SLMAP: variants seen among roughly 807,000 people sequenced by gnomAD.
SLMAP encodes sarcolemma associated protein.
In SLMAP, 44 loss-of-function variants were observed where a neutral mutation model predicts 128.8. The observed-to-expected ratio is 0.34, with a 90% CI of 0.27 to 0.44. SLMAP has a LOEUF of 0.44. Ranked by LOEUF, SLMAP falls within the 20% of genes least tolerant of loss-of-function variation. The probability of loss-of-function intolerance (pLI) is 1.00; values close to 1 mark genes in which losing one functional copy is unlikely to be tolerated. For synonymous variants in SLMAP, 327 were observed against 348.8 expected, an observed-to-expected ratio of 0.94 and a Z score of 0.70; for missense variants, 787 against 985.3, an observed-to-expected ratio of 0.80 and a Z score of 2.69.
intron 14 of SLMAP, among the ~76,000 whole-genome samples, chr3:57,888,031 A>G (rs893680452): frequency 6.6e-6 from 1 of 152,218 alleles, no homozygotes; most frequent in African/African-American, 2.4e-5. Flanking sequence ...CAGAGAAGCA[A>G]AATCACAAAG....
Position 57,912,524 on chromosome 3 carries a change from C to G in SLMAP, c.1843C>G (p.Arg615Gly). The G allele has an allele frequency of 6.2e-7, 1 of 1,614,086 alleles. No individual in the cohort carries two copies. The highest frequency in any genetic ancestry group is 1.1e-5 in the South Asian group (1 of 91,078). Residue 615 changes from arginine (R) to glycine (G), a missense_variant, in exon 20 of 25, where the codon CGG (arginine) becomes GGG (glycine). By Grantham distance (125) the Arg-to-Gly change is moderately radical. Coordinates refer to ENST00000671191, the MANE Select transcript of SLMAP (RefSeq NM_001377540.1). Reference sequence around the variant, plus strand: ...AGCAGCAGCAAAGGTTGCCTCTGAGCGGGACACTGACATTGCTTCTTTACA... The same window carrying G: ...AGCAGCAGCAAAGGTTGCCTCTGAGGGGGACACTGACATTGCTTCTTTACA... The part of the protein sequence containing the change: ...HQAAAKVASE[R>G]DTDIASLQEE...
chr3:57,858,048 A>G (rs1448776653), intron 7 of SLMAP, 40 bp from the exon 8 acceptor site: 2 of 1,280,262 alleles, frequency 1.6e-6, no homozygotes, highest in East Asian at 2.3e-5. Context: ...TGACTTTATA[A>G]TTACTCGGGT....
chr3:57,786,418 GGCCATGCATAAT>G (rs1222472083), intron 2 of SLMAP, among the ~76,000 whole-genome samples: 1 of 152,140 alleles, frequency 6.6e-6, no homozygotes, highest in Non-Finnish European at 1.5e-5. Context: ...CAAGTCACGT[GGCCATGCATAAT>G]GCAATTGGTT....
chr3:57,785,687 CT>C (rs2083943494), intron 2 of SLMAP, among the ~76,000 whole-genome samples: 1 of 152,130 alleles, frequency 6.6e-6, no homozygotes, highest in Admixed American at 6.5e-5. Context: ...CCACACTTCT[CT>C]TTTTTCCTTC....
chr3:57,900,840 A>G (rs1483431955), intron 17 of SLMAP: 1 of 152,190 alleles, frequency 6.6e-6, no homozygotes, highest in Non-Finnish European at 1.5e-5. Flanking sequence ...CTCTGGATTT[A>G]AGGAATTTCA....
intron 14 of SLMAP, among the ~76,000 whole-genome samples, chr3:57,873,346 T>C (rs1022203715): frequency 4.6e-5 from 7 of 151,778 alleles, no homozygotes; most frequent in African/African-American, 1.7e-4. Flanking sequence ...CTACTAATAA[T>C]ACAAAAATTA....
intron 2 of SLMAP, among the ~76,000 whole-genome samples, chr3:57,820,737 G>A (rs575525550): frequency 6.6e-6 from 1 of 152,258 alleles, no homozygotes; most frequent in East Asian, 1.9e-4. Context: ...CTCCAGCGGG[G>A]GACTCAGCTC....
chr3:57,921,821 G>A lies in SLMAP; in HGVS notation c.2311-1068G>A, dbSNP rs372291034. Among the ~76,000 whole-genome samples the A allele has an allele frequency of 1.5e-3, 222 of 151,628 alleles. 1 individual carries two copies. Among genetic ancestry groups the A allele is most frequent in the African/African-American group, 4.6e-3 (192 of 41,378 alleles). The stretch of plus-strand genomic sequence containing the variant: ...CCCGGGTTCAAGCGATTCTCCTGCC[G>A]CAGCCTCCCAAGTAGCTGGGATTAC... On this transcript the variant is annotated intron_variant, in intron 22 of 24. Transcript: ENST00000671191.
intron 14 of SLMAP, among the ~76,000 whole-genome samples, chr3:57,883,731 G>A (rs2153637173): frequency 6.6e-6 from 1 of 152,186 alleles, no homozygotes; most frequent in South Asian, 2.1e-4. Flanking sequence ...AGTAGTAAGA[G>A]ATATGGGTTT....
At position 57,929,716 on chromosome 3, in the gene SLMAP, C is replaced by T. The variant is rs1304812315; in HGVS notation, c.*2427C>T. 6.6e-6 allele frequency among the ~76,000 whole-genome samples: 1 copy of T among 152,146 alleles called. No individual in the cohort carries two copies. Among genetic ancestry groups the T allele is most frequent in the African/African-American group, 2.4e-5 (1 of 41,434 alleles). On this transcript the variant is annotated 3_prime_UTR_variant, in exon 25 of 25. Transcript: ENST00000671191. ...AATAAAAAGAACGTGGTGTTTGAAG[C>T]AAAACAGATCTGTATTGGCATCTTG... is the stretch of plus-strand genomic sequence containing the variant.
chr3:57,855,776 A>G (rs1306964834), intron 6 of SLMAP, among the ~76,000 whole-genome samples: 1 of 149,114 alleles, frequency 6.7e-6, no homozygotes, highest in African/African-American at 2.5e-5. Context: ...GGGTGCGGGG[A>G]CTCACACCTG....
intron 2 of SLMAP, among the ~76,000 whole-genome samples, chr3:57,827,651 AAC>A (rs1267346103): frequency 6.6e-6 from 1 of 152,248 alleles, no homozygotes; most frequent in African/African-American, 2.4e-5. Context: ...TCACCTGCTC[AAC>A]ATCAAAGTGA....
At chr3:57,782,558 C>A (rs1220808913) in intron 2 of SLMAP, among the ~76,000 whole-genome samples, 1 of 152,148 alleles carries the variant, frequency 6.6e-6, no homozygotes, top group Non-Finnish European at 1.5e-5. Context: ...CTACAACTTC[C>A]ACTTCCTGGG....
At chr3:57,802,582 C>A (rs2088801499) in intron 2 of SLMAP, among the ~76,000 whole-genome samples, 1 of 152,170 alleles carries the variant, frequency 6.6e-6, no homozygotes, top group South Asian at 2.1e-4. Context: ...TTGTCTGTAA[C>A]AGATTTGCAT....
chr3:57,803,456 A>T (rs908731418), intron 2 of SLMAP, among the ~76,000 whole-genome samples: 1 of 152,170 alleles, frequency 6.6e-6, no homozygotes, highest in African/African-American at 2.4e-5. Flanking sequence ...GATGACATTA[A>T]CTTTGTTGGT....
chr3:57,907,340 T>C (rs1433350158), intron 17 of SLMAP, among the ~76,000 whole-genome samples: 2 of 152,212 alleles, frequency 1.3e-5, no homozygotes, highest in Non-Finnish European at 2.9e-5. Context: ...ATATTTGTTA[T>C]ATGTGCGTGT....
intron 23 of SLMAP, among the ~76,000 whole-genome samples, chr3:57,925,059 A>G (rs111784251): frequency 6.6e-6 from 1 of 151,108 alleles, no homozygotes; most frequent in South Asian, 2.1e-4. Context: ...AGTTCAAGCA[A>G]TGCTCCCACC....
chr3:57,803,270 TGATA>T (rs1456556409), intron 2 of SLMAP, among the ~76,000 whole-genome samples: 17 of 152,146 alleles, frequency 1.1e-4, no homozygotes, highest in Admixed American at 9.2e-4. Context: ...ATCAAGATTA[TGATA>T]GATAAATAGG....
intron 2 of SLMAP, among the ~76,000 whole-genome samples, chr3:57,804,056 G>T (rs944055146): frequency 6.6e-6 from 1 of 152,188 alleles, no homozygotes; most frequent in Non-Finnish European, 1.5e-5. Context: ...GCATAGTACA[G>T]TCATCTTAAG....
Sources: gnomAD v4.1 joint callset for allele counts (sites outside exome capture counted in the v4.1 genomes callset) on GRCh38, gnomAD v4.1.1 for gene constraint, MANE v1.5 for transcripts, NCBI Gene and HGNC (gene_info 2026-07-23, HGNC 2026-07-21) for gene names.